Variants in DNAH3 observed in about 807,000 individuals in gnomAD.
The protein encoded by DNAH3 is axonemal beta dynein heavy chain 3.
Under a neutral mutation model 432.5 loss-of-function variants are expected in DNAH3, and 332 were observed. The observed-to-expected ratio is 0.77, with a 90% CI of 0.70 to 0.84. DNAH3 has a LOEUF of 0.84. DNAH3 is among the 40% of genes least tolerant of loss of function. The probability of loss-of-function intolerance (pLI) is 0.00; values close to 1 mark genes in which losing one functional copy is unlikely to be tolerated. For synonymous variants in DNAH3, 1,956 were observed against 1,900.2 expected (o/e 1.03, Z -0.76); for missense variants, 4,861 against 5,114.0 (o/e 0.95, Z 1.51).
At chr16:21,106,176 C>CCA (rs1567800597) in intron 15 of DNAH3, among the ~76,000 whole-genome samples, 1 of 99,580 alleles carries the variant, frequency 1.0e-5, no homozygotes, top group African/African-American at 3.5e-5. Flanking sequence ...GAGACTCCAT[C>CCA]TAAAAAAAAA....
chr16:21,067,513 A>T (rs2090597817), intron 23 of DNAH3, 94 bp from the exon 24 acceptor site: 1 of 1,380,704 alleles, frequency 7.2e-7, no homozygotes, highest in Non-Finnish European at 1.0e-6. Flanking sequence ...AACTGACAGC[A>T]CTCCTTGTCC....
chr16:20,950,832 G>GT (rs747646949), intron 56 of DNAH3, among the ~76,000 whole-genome samples: 2 of 152,028 alleles, frequency 1.3e-5, no homozygotes, highest in East Asian at 1.9e-4. Flanking sequence ...ATGTGTGTAT[G>GT]TTTTTTAAGA....
intron 15 of DNAH3, chr16:21,104,569 A>G: frequency 6.2e-7 from 1 of 1,609,954 alleles, no homozygotes; most frequent in Non-Finnish European, 8.5e-7. Context: ...AGAGGAACAG[A>G]GTGCTGTTCA....
chr16:20,959,895 C>A (rs1283403205), intron 53 of DNAH3, among the ~76,000 whole-genome samples: 2 of 151,966 alleles, frequency 1.3e-5, no homozygotes, highest in African/African-American at 4.8e-5. Flanking sequence ...AAGGATATTC[C>A]CAGGTGCCCA....
chr16:21,089,284 G>A (rs2152782286), intron 18 of DNAH3, among the ~76,000 whole-genome samples: 1 of 152,282 alleles, frequency 6.6e-6, no homozygotes, highest in East Asian at 1.9e-4. Context: ...GAATCCCATT[G>A]CAGAACTTGC....
intron 7 of DNAH3, among the ~76,000 whole-genome samples, chr16:21,129,732 G>A (rs2084505688): frequency 6.6e-6 from 1 of 151,926 alleles, no homozygotes; most frequent in South Asian, 2.1e-4. Context: ...GCAAGGCTCT[G>A]TCTCAAAAAC....
chr16:21,145,106 C>T, intron 3 of DNAH3, 75 bp downstream of exon 4: 3 of 1,280,198 alleles, frequency 2.3e-6, no homozygotes, highest in South Asian at 2.7e-5. Context: ...AGTGAGACTC[C>T]ATCTAAAATA....
chr16:21,062,906 T>C (rs572798380), intron 24 of DNAH3: 1 of 520,770 alleles, frequency 1.9e-6, no homozygotes, highest in East Asian at 3.3e-5. Flanking sequence ...CAGGCTAGAC[T>C]TGAACTCCTG....
rs141146135 is a variant in DNAH3, at chr16:21,033,196, C to T, written c.5197+778G>A. ...ATTAAGGCTAGGATAACCCCCAAAACATAACCTCAAAAACCCAATCATCAA... is the reference window on the plus strand; with the variant it reads ...ATTAAGGCTAGGATAACCCCCAAAATATAACCTCAAAAACCCAATCATCAA... On this transcript the variant is annotated intron_variant, in intron 36 of 61. Coordinates refer to ENST00000261383, the Ensembl canonical transcript of DNAH3. Among the ~76,000 whole-genome samples the T allele has an allele frequency of 6.6e-4, 101 of 152,114 alleles. No homozygotes were observed. The East Asian group carries it at 0.017, about 26-fold the overall frequency.
At position 20,985,130 on chromosome 16, in the gene DNAH3, C is replaced by T. The variant is rs1054017513; in HGVS notation, c.7612G>A (p.Gly2538Arg). Residue 2538 changes from glycine to arginine, a missense_variant, in exon 48 of 62, where the codon GGA (glycine) becomes AGA (arginine). Gly to Arg is a moderately radical substitution (Grantham distance 125). Transcript: ENST00000261383. Reference sequence around the variant, plus strand: ...AGAGGAGTGACTTCAACCTTCTCTCCTTGGGTCCTGGCTGCAGTCTGCATC... The same window carrying T: ...AGAGGAGTGACTTCAACCTTCTCTCTTTGGGTCCTGGCTGCAGTCTGCATC... The T allele has an allele frequency of 1.9e-6, 3 of 1,614,194 alleles. No individual in the cohort carries two copies. In the Admixed American group the frequency reaches 5.0e-5, roughly 27 times the overall value.
chr16:21,149,379 G>A (rs537992891), intron 1 of DNAH3, among the ~76,000 whole-genome samples: 14 of 152,270 alleles, frequency 9.2e-5, no homozygotes, highest in African/African-American at 3.4e-4. Flanking sequence ...TATTTAAAAT[G>A]CTCCTCTGGG....
At chr16:21,020,275 G>A (rs1463781050) in intron 40 of DNAH3, among the ~76,000 whole-genome samples, 1 of 137,728 alleles carries the variant, frequency 7.3e-6, no homozygotes, top group African/African-American at 2.8e-5. Flanking sequence ...ACCCACCTCG[G>A]CCTCTCAAAA....
rs1279694938 is a variant in DNAH3 at position 21,067,761 on chromosome 16, G to C, written c.3382-342C>G. Among the ~76,000 whole-genome samples the C allele has an allele frequency of 2.1e-4, 18 of 87,754 alleles. 1 individual carries two copies. The highest frequency in any genetic ancestry group is 3.7e-4 in the Non-Finnish European group (16 of 42,844). 57.6% of individuals were successfully genotyped at this position (87,754 alleles called of 152,430 possible). A position where few individuals can be genotyped will look rare whatever the true frequency, so the allele number is the denominator to read the frequency against. ...AGTGATAGAGAAAGCCAGTCTTGGG[G>C]GGGGGGGTGGGGAGGGAGAGAGAGA... On this transcript the variant is annotated intron_variant, in intron 23 of 61. Transcript: ENST00000261383.
chr16:20,956,158 C>G (rs565264717), intron 54 of DNAH3, among the ~76,000 whole-genome samples: 1 of 152,062 alleles, frequency 6.6e-6, no homozygotes, highest in Admixed American at 6.6e-5. Flanking sequence ...GAACTCCTGA[C>G]CTCAGGTGAT....
intron 1 of DNAH3, among the ~76,000 whole-genome samples, chr16:21,151,317 C>T (rs907749173): frequency 8.2e-5 from 10 of 122,536 alleles, no homozygotes; most frequent in Non-Finnish European, 1.4e-4. Context: ...CCCAGTTTTT[C>T]CCCGTTTTTT....
chr16:21,046,009 T>C (rs1210802177), intron 31 of DNAH3, among the ~76,000 whole-genome samples: 1 of 152,084 alleles, frequency 6.6e-6, no homozygotes. Context: ...TAATCCTGAG[T>C]TCTAATTTGA....
chr16:21,038,758 A>G (rs925463391), intron 33 of DNAH3, among the ~76,000 whole-genome samples: 13 of 152,200 alleles, frequency 8.5e-5, no homozygotes, highest in Admixed American at 2.0e-4. Flanking sequence ...AAGGTTTGCT[A>G]ATTAAATAAA....
chr16:21,065,054 A>T (rs2090496260), intron 24 of DNAH3, among the ~76,000 whole-genome samples: 1 of 152,172 alleles, frequency 6.6e-6, no homozygotes, highest in South Asian at 2.1e-4. Flanking sequence ...GGACAATAAT[A>T]ATGTTCCCAA....
chr16:20,983,767 C>T (rs1282002970), intron 48 of DNAH3, among the ~76,000 whole-genome samples: 1 of 152,026 alleles, frequency 6.6e-6, no homozygotes, highest in South Asian at 2.1e-4. Context: ...AATCCCAACA[C>T]TTTGGGAGGC....
Sources: gnomAD v4.1 joint callset for allele counts (sites outside exome capture counted in the v4.1 genomes callset) on GRCh38, gnomAD v4.1.1 for gene constraint, MANE v1.5 for transcripts, NCBI Gene and HGNC (gene_info 2026-07-23, HGNC 2026-07-21) for gene names.